The following B3GALT1 variants were observed in gnomAD, a reference collection of about 807,000 sequenced individuals.
B3GALT1 encodes the protein UDP-Gal:betaGlcNAc beta 1,3-galactosyltransferase, polypeptide 1.
In B3GALT1, 10 loss-of-function variants were observed where a neutral mutation model predicts 23.2. The observed-to-expected ratio is 0.43, with a 90% CI of 0.27 to 0.73. The LOEUF is 0.73. Among genes scored for constraint, B3GALT1 ranks in the 30% least tolerant of loss-of-function variants. The pLI, the probability that B3GALT1 is intolerant of heterozygous loss-of-function variation, is 0.21. For missense variants in B3GALT1, 299 were observed against 405.4 expected, an observed-to-expected ratio of 0.74 and a Z score of 2.25; for synonymous variants, 156 against 141.5, an observed-to-expected ratio of 1.10 and a Z score of -0.73.
intron 1 of B3GALT1, among the ~76,000 whole-genome samples, chr2:167,460,839 G>C (rs778829504): frequency 6.6e-6 from 1 of 152,180 alleles, no homozygotes; most frequent in Non-Finnish European, 1.5e-5. Flanking sequence ...AAACTGAAGT[G>C]TAAACTTAAG....
intron 3 of B3GALT1, among the ~76,000 whole-genome samples, chr2:167,718,004 GT>G (rs1006175841): frequency 6.6e-6 from 1 of 152,142 alleles, no homozygotes; most frequent in African/African-American, 2.4e-5. Context: ...ATCTGTTACA[GT>G]TTTTTAACTG....
chr2:167,336,317 G>A (rs1475723711), intron 1 of B3GALT1, among the ~76,000 whole-genome samples: 1 of 152,128 alleles, frequency 6.6e-6, no homozygotes, highest in Non-Finnish European at 1.5e-5. Flanking sequence ...TGGTGTTCAT[G>A]CTTGGCAAGT....
Position 167,572,118 on chromosome 2 carries a change from G to A in B3GALT1, c.-409-74791G>A, listed in dbSNP as rs188774294. Among the ~76,000 whole-genome samples the A allele has an allele frequency of 3.6e-4, 54 of 151,870 alleles. No homozygotes were observed. The Middle Eastern group carries it at 0.017, about 48-fold the overall frequency. ...TCAATAATAAGCATAAATGCAGTTA[G>A]TAGAAACAGAAGTAAAGGGAAGAAC... On this transcript the variant is annotated intron_variant, in intron 2 of 4. Coordinates refer to ENST00000392690, the MANE Select transcript of B3GALT1 (RefSeq NM_020981.4).
chr2:167,562,732 G>C (rs1274536835), intron 2 of B3GALT1, among the ~76,000 whole-genome samples: 11 of 151,500 alleles, frequency 7.3e-5, no homozygotes, highest in Admixed American at 7.2e-4. Flanking sequence ...AATTAGTGGA[G>C]GGAAGGTCAG....
chr2:167,854,181 ACAGC>A (rs1286859538), intron 4 of B3GALT1, among the ~76,000 whole-genome samples: 1 of 152,152 alleles, frequency 6.6e-6, no homozygotes, highest in Admixed American at 6.6e-5. Flanking sequence ...GATTTACCTC[ACAGC>A]CAGCCTGTAA....
chr2:167,459,495 A>G (rs1057334237), intron 1 of B3GALT1, among the ~76,000 whole-genome samples: 11 of 152,162 alleles, frequency 7.2e-5, no homozygotes, highest in African/African-American at 2.7e-4. Flanking sequence ...GTTCTTTTAA[A>G]TACATTAGTC....
chr2:167,397,531 C>A (rs1698117883), intron 1 of B3GALT1, among the ~76,000 whole-genome samples: 1 of 152,042 alleles, frequency 6.6e-6, no homozygotes, highest in Non-Finnish European at 1.5e-5. Context: ...GTTCTACTGA[C>A]CAACCCTGAA....
At chr2:167,656,390 A>G (rs1042431968) in intron 3 of B3GALT1, among the ~76,000 whole-genome samples, 1 of 152,164 alleles carries the variant, frequency 6.6e-6, no homozygotes, top group African/African-American at 2.4e-5. Context: ...TTTAGGCATA[A>G]TGCTCATTGT....
At chr2:167,433,066 C>T (rs141333529) in intron 1 of B3GALT1, among the ~76,000 whole-genome samples, 59 of 152,306 alleles carry the variant, frequency 3.9e-4, no homozygotes, top group African/African-American at 1.3e-3. Flanking sequence ...CCTCAAAATA[C>T]CTCTGCGCTT....
intron 3 of B3GALT1, among the ~76,000 whole-genome samples, chr2:167,803,674 C>T (rs920971208): frequency 2.6e-5 from 4 of 152,104 alleles, no homozygotes; most frequent in Admixed American, 6.5e-5. Flanking sequence ...TTTTCCTGTG[C>T]GTACTTGGCA....
chr2:167,332,388 T>G (rs576623086), intron 1 of B3GALT1, among the ~76,000 whole-genome samples: 1 of 152,252 alleles, frequency 6.6e-6, no homozygotes, highest in Non-Finnish European at 1.5e-5. Context: ...TGTAGAATTA[T>G]GTAGTTACCT....
intron 3 of B3GALT1, among the ~76,000 whole-genome samples, chr2:167,647,692 G>A (rs1221615838): frequency 6.6e-6 from 1 of 152,054 alleles, no homozygotes; most frequent in Non-Finnish European, 1.5e-5. Context: ...TGTCCAAGTG[G>A]ACTTATTGTT....
rs188767154 is a variant in B3GALT1 at position 167,842,506 on chromosome 2, G to A, written c.-230+23713G>A. On this transcript the variant is annotated intron_variant, in intron 4 of 4. Transcript: ENST00000392690. ...CTTAGTAAAGACAATAGTAATAACA[G>A]CACCTAGATTGCTAATAAGTTGTAT... is the stretch of plus-strand genomic sequence containing the variant. 2.3e-3 allele frequency among the ~76,000 whole-genome samples: 353 copies of A among 152,236 alleles called. 2 individuals are homozygous for A. Among genetic ancestry groups the A allele is most frequent in the African/African-American group, 7.8e-3 (323 of 41,524 alleles).
chr2:167,545,958 A>G (rs1218135449), intron 2 of B3GALT1, among the ~76,000 whole-genome samples: 2 of 152,190 alleles, frequency 1.3e-5, no homozygotes, highest in Non-Finnish European at 2.9e-5. Context: ...TTTCATATAC[A>G]TCTTATATAC....
intron 2 of B3GALT1, among the ~76,000 whole-genome samples, chr2:167,515,608 A>C (rs913238643): frequency 1.3e-5 from 2 of 151,996 alleles, no homozygotes; most frequent in Admixed American, 1.3e-4. Context: ...GTATAAAGCC[A>C]CTTCCATTAT....
intron 2 of B3GALT1, among the ~76,000 whole-genome samples, chr2:167,566,520 A>C (rs1390727883): frequency 6.6e-6 from 1 of 150,480 alleles, no homozygotes; most frequent in Non-Finnish European, 1.5e-5. Context: ...TAATAAAAGA[A>C]TAAAAAGAAA....
At chr2:167,362,685 C>CT (rs1373662729) in intron 1 of B3GALT1, among the ~76,000 whole-genome samples, 1 of 151,690 alleles carries the variant, frequency 6.6e-6, no homozygotes, top group Non-Finnish European at 1.5e-5. Flanking sequence ...CCTTCTGTTT[C>CT]TTAATTTTTT....
chr2:167,563,414 C>A (rs1237932866), intron 2 of B3GALT1, among the ~76,000 whole-genome samples: 3 of 129,390 alleles, frequency 2.3e-5, no homozygotes, highest in Non-Finnish European at 5.0e-5. Context: ...GGGGGGCTGA[C>A]CCCTCCACCT....
chr2:167,296,243 G>C (rs1160864994), intron 1 of B3GALT1, among the ~76,000 whole-genome samples: 1 of 152,158 alleles, frequency 6.6e-6, no homozygotes, highest in Non-Finnish European at 1.5e-5. Flanking sequence ...ACATCAATAT[G>C]AATAGCAATG....
Sources: allele counts gnomAD v4.1 joint callset (sites outside exome capture counted in the v4.1 genomes callset), GRCh38; gene constraint gnomAD v4.1.1; transcripts MANE v1.5; gene names NCBI Gene and HGNC (gene_info 2026-07-23, HGNC 2026-07-21).